The following CSMD1 variants were observed in gnomAD, a reference collection of about 807,000 sequenced individuals.
CSMD1 encodes the protein CUB and Sushi multiple domains 1, also known as CUB and sushi domain-containing protein 1.
Under a neutral mutation model 417.5 loss-of-function variants are expected in CSMD1, and 213 were observed. The observed-to-expected ratio is 0.51, with a 90% CI of 0.46 to 0.57. The LOEUF (loss-of-function observed/expected upper bound fraction) is 0.57. CSMD1 is among the 20% of genes least tolerant of loss of function. The pLI, the probability that CSMD1 is intolerant of heterozygous loss-of-function variation, is 0.00. For synonymous variants in CSMD1, 2,862 were observed against 1,736.8 expected (o/e 1.65, Z -16.11); for missense variants, 6,923 against 4,529.7 (o/e 1.53, Z -15.17).
At chr8:3,844,222 G>T (rs767926923) in intron 5 of CSMD1, among the ~76,000 whole-genome samples, 1 of 152,046 alleles carries the variant, frequency 6.6e-6, no homozygotes, top group Non-Finnish European at 1.5e-5. Context: ...AATGAGTCTG[G>T]CTTGTGGCTA....
chr8:3,498,271 C>T (rs912786410), intron 10 of CSMD1, among the ~76,000 whole-genome samples: 1 of 152,130 alleles, frequency 6.6e-6, no homozygotes, highest in Non-Finnish European at 1.5e-5. Flanking sequence ...ATTTATATTG[C>T]TATATCAAGG....
rs754263659 is a variant in CSMD1, at chr8:3,367,069, G to T, written c.3078C>A (p.Phe1026Leu). The T allele has an allele frequency of 6.2e-7, 1 of 1,613,792 alleles. No homozygotes were observed. ...TATTGAAGCCCTCGTACGAAATTGA[G>T]AAGTCTGATATAAACCGAAGCTGGG... ...FTAQLRFISDFSISYEGFNIT... is the reference protein window; with the variant it reads ...FTAQLRFISDLSISYEGFNIT... The change falls in exon 20 of 70, where the codon TTC becomes TTA. Residue 1026 changes from phenylalanine to leucine, a missense_variant. Coordinates refer to ENST00000635120, the MANE Select transcript of CSMD1 (RefSeq NM_033225.6).
At chr8:3,876,538 AT>A (rs1786179122) in intron 5 of CSMD1, among the ~76,000 whole-genome samples, 1 of 152,192 alleles carries the variant, frequency 6.6e-6, no homozygotes, top group South Asian at 2.1e-4. Context: ...ATTTATTCAT[AT>A]TTATTCCTAA....
chr8:4,156,986 C>G (rs1198161012), intron 3 of CSMD1, among the ~76,000 whole-genome samples: 1 of 152,070 alleles, frequency 6.6e-6, no homozygotes, highest in Non-Finnish European at 1.5e-5. Context: ...ATGCATACAT[C>G]CCAGATGATA....
intron 3 of CSMD1, among the ~76,000 whole-genome samples, chr8:4,393,643 C>T (rs936102051): frequency 4.6e-5 from 7 of 152,110 alleles, no homozygotes; most frequent in East Asian, 1.9e-4. Flanking sequence ...GTTGAAAAGA[C>T]GTGAGCACTA....
chr8:4,631,752 T>G (rs1317532451), intron 2 of CSMD1, among the ~76,000 whole-genome samples: 1 of 152,236 alleles, frequency 6.6e-6, no homozygotes. Flanking sequence ...AATGGCCCTA[T>G]CACATTCACC....
At chr8:3,736,515 G>C (rs73187256) in intron 6 of CSMD1, among the ~76,000 whole-genome samples, 22,727 of 152,168 alleles carry the variant, frequency 0.15, 2,023 homozygotes, top group African/African-American at 0.25. Context: ...AAATTGCTGG[G>C]ATCACTGGTG....
At chr8:3,083,173 A>T (rs180954628) in intron 49 of CSMD1, among the ~76,000 whole-genome samples, 1 of 152,240 alleles carries the variant, frequency 6.6e-6, no homozygotes, top group Admixed American at 6.5e-5. Context: ...TCTTCCTTAT[A>T]TATTAACTCT....
intron 10 of CSMD1, among the ~76,000 whole-genome samples, chr8:3,570,860 T>C (rs1003534472): frequency 5.3e-5 from 8 of 152,270 alleles, no homozygotes; most frequent in Non-Finnish European, 7.4e-5. Context: ...CTCTGTCAAG[T>C]AGTAAAAGGT....
chr8:3,966,877 G>C (rs1481253004), intron 5 of CSMD1, among the ~76,000 whole-genome samples: 3 of 152,108 alleles, frequency 2.0e-5, no homozygotes, highest in African/African-American at 4.8e-5. Context: ...CAACACACTG[G>C]ATGTATCAGA....
intron 5 of CSMD1, among the ~76,000 whole-genome samples, chr8:3,813,999 T>C (rs1438606651): frequency 1.3e-5 from 2 of 152,146 alleles, no homozygotes; most frequent in Non-Finnish European, 2.9e-5. Context: ...AGGAGAACCG[T>C]TCAACAGATT....
chr8:4,145,859 T>C (rs972577557), intron 3 of CSMD1, among the ~76,000 whole-genome samples: 2 of 151,046 alleles, frequency 1.3e-5, no homozygotes, highest in Non-Finnish European at 2.9e-5. Context: ...ACACCAGCTT[T>C]GAATTTGTTG....
chr8:3,676,095 C>G (rs1799360468), intron 7 of CSMD1, among the ~76,000 whole-genome samples: 1 of 152,180 alleles, frequency 6.6e-6, no homozygotes. Context: ...TAAATATATG[C>G]ATGTGTGTTT....
chr8:4,732,070 C>G (rs746918267), intron 1 of CSMD1, among the ~76,000 whole-genome samples: 5 of 152,202 alleles, frequency 3.3e-5, no homozygotes, highest in Admixed American at 6.5e-5. Context: ...ATCTCTCTTG[C>G]TAATCTTTCC....
chr8:4,100,260 A>G (rs1027768501), intron 3 of CSMD1, among the ~76,000 whole-genome samples: 4 of 152,188 alleles, frequency 2.6e-5, no homozygotes, highest in African/African-American at 9.6e-5. Flanking sequence ...CATGCAGTTA[A>G]TTGTCATAGT....
chr8:4,248,929 T>C (rs1375842042), intron 3 of CSMD1, among the ~76,000 whole-genome samples: 4 of 152,238 alleles, frequency 2.6e-5, no homozygotes, highest in Non-Finnish European at 4.4e-5. Flanking sequence ...GCCTATTTAA[T>C]GCATGTAGAT....
chr8:3,972,067 C>G (rs1312396994), intron 5 of CSMD1, among the ~76,000 whole-genome samples: 2 of 152,070 alleles, frequency 1.3e-5, no homozygotes, highest in Non-Finnish European at 2.9e-5. Context: ...GACAGGGGCT[C>G]TGTATGTTGC....
chr8:4,021,024 CA>C lies in CSMD1; in HGVS notation c.610+10880del, dbSNP rs139801274. ...AACTGCATCTATTTATTAAACCCTA[CA>C]ACGTAAGTGAGAATAAAACCCAGTG... On this transcript the variant is annotated intron_variant, in intron 4 of 69. Transcript: ENST00000635120. Among the ~76,000 whole-genome samples, 585 of 152,254 alleles carry C rather than the reference CA, an allele frequency of 3.8e-3. 13 individuals are homozygous for C. In the East Asian group the frequency reaches 0.058, roughly 15 times the overall value.
chr8:4,244,381 G>A (rs1053045641), intron 3 of CSMD1, among the ~76,000 whole-genome samples: 1 of 152,134 alleles, frequency 6.6e-6, no homozygotes, highest in African/African-American at 2.4e-5. Context: ...AGAAACGGAT[G>A]TTTTTATGTT....
Sources: allele counts gnomAD v4.1 joint callset (sites outside exome capture counted in the v4.1 genomes callset), GRCh38; gene constraint gnomAD v4.1.1; transcripts MANE v1.5; gene names NCBI Gene and HGNC (gene_info 2026-07-23, HGNC 2026-07-21).